The following DIPK2B variants were observed in gnomAD, a reference collection of about 807,000 sequenced individuals.
The protein encoded by DIPK2B is UPF0672 protein CXorf36.
Under a neutral mutation model 22.2 loss-of-function variants are expected in DIPK2B, and 15 were observed. The ratio of observed to expected loss-of-function variants is 0.68; its 90% CI spans 0.45 to 1.04. DIPK2B has a LOEUF of 1.04. DIPK2B is among the 50% of genes least tolerant of loss of function. DIPK2B has a pLI of 0.00. For synonymous variants in DIPK2B, 163 were observed against 153.2 expected (o/e 1.06, Z -0.47); for missense variants, 345 against 348.3 (o/e 0.99, Z 0.08).
chrX:45,191,700 C>G, intron 2 of DIPK2B, 51 bp downstream of exon 2: 2 of 1,150,254 alleles, frequency 1.7e-6, no homozygotes, highest in Admixed American at 4.9e-5. Context: ...ATCTCTCTCT[C>G]TCTTTCTCAT....
chrX:45,162,324 G>A, intron 2 of DIPK2B: 5 of 686,595 alleles, frequency 7.3e-6, no homozygotes, highest in Non-Finnish European at 8.7e-6. Flanking sequence ...AAGCCACTAT[G>A]TGTTGAAATG....
chrX:45,162,631 A>T (rs1360353773), intron 2 of DIPK2B: 1 of 753,076 alleles, frequency 1.3e-6, no homozygotes, highest in African/African-American at 2.3e-5. Context: ...CATTTTGGGG[A>T]TTACCAATTG....
chrX:45,182,742 T>C (rs1020712411), intron 2 of DIPK2B, among the ~76,000 whole-genome samples: 3 of 112,991 alleles, frequency 2.7e-5, no homozygotes, highest in African/African-American at 9.6e-5. Flanking sequence ...CATGGATAAA[T>C]AGCATGATGT....
chrX:45,167,495 C>CA (rs1156692662), intron 2 of DIPK2B, among the ~76,000 whole-genome samples: 3,289 of 24,491 alleles, frequency 0.13, 193 homozygotes, highest in East Asian at 0.31. Context: ...AAGACTGTCT[C>CA]AAAAAAAAAA....
chrX:45,195,631 C>A (rs1172698448), intron 1 of DIPK2B, among the ~76,000 whole-genome samples: 1 of 112,022 alleles, frequency 8.9e-6, no homozygotes, highest in African/African-American at 3.2e-5. Context: ...CTTAATTTAA[C>A]TTAGAGCTTA....
In DIPK2B at chrX:45,150,302, T is replaced by G. The variant is rs956057500; in HGVS notation, c.*1350A>C. The G allele has an allele frequency of 8.9e-6, 1 of 111,934 alleles. No homozygotes were observed. Among genetic ancestry groups the G allele is most frequent in the African/African-American group, 3.3e-5 (1 of 30,736 alleles). 9.2% of individuals were successfully genotyped at this position (111,934 alleles called of 1,213,427 possible). ...GTACAGAAGAGCCCCCTGCTTATGT[T>G]TCAGGGGCCAGGGCAAGAGTGTACA... On this transcript the variant is annotated 3_prime_UTR_variant, in exon 5 of 5. Coordinates refer to ENST00000398000, the MANE Select transcript of DIPK2B (RefSeq NM_176819.4).
chrX:45,174,833 T>C (rs762108953), intron 2 of DIPK2B, among the ~76,000 whole-genome samples: 1 of 111,542 alleles, frequency 9.0e-6, no homozygotes, highest in Non-Finnish European at 1.9e-5. Context: ...GAAGATGCCA[T>C]GTGTATCCCC....
rs1236254276 is a variant in DIPK2B, at chrX:45,151,483, C to A, written c.*169G>T. 5.8e-6 allele frequency: 3 copies of A among 515,238 alleles called. No individual in the cohort carries two copies. The African/African-American group carries it at 7.2e-5, about 12-fold the overall frequency. 42.5% of individuals were successfully genotyped at this position (515,238 alleles called of 1,213,427 possible). On this transcript the variant is annotated 3_prime_UTR_variant, in exon 5 of 5. Coordinates refer to ENST00000398000, the MANE Select transcript of DIPK2B (RefSeq NM_176819.4). ...GGCTTTGCCAGGACGTCCCAGCCAGCAGAGACAGCCACGTGGTATCTCACA... is the reference window on the plus strand; with the variant it reads ...GGCTTTGCCAGGACGTCCCAGCCAGAAGAGACAGCCACGTGGTATCTCACA...
rs200698322 is a variant in DIPK2B at position 45,180,279 on chromosome X, AT to A, written c.498+11471del. On this transcript the variant is annotated intron_variant, in intron 2 of 4. Transcript: ENST00000398000. The stretch of plus-strand genomic sequence containing the variant: ...TTCATAGATCTCATTAATGAAAAGG[AT>A]TCCAGAAAAGGCTCACCCAGCCTTG... Among the ~76,000 whole-genome samples the A allele has an allele frequency of 4.3e-3, 484 of 112,295 alleles. 4 individuals carry two copies. The highest frequency in any genetic ancestry group is 0.015 in the African/African-American group (460 of 30,950).
At chrX:45,167,355 G>A (rs768626870) in intron 2 of DIPK2B, among the ~76,000 whole-genome samples, 281 of 109,526 alleles carry the variant, frequency 2.6e-3, no homozygotes, top group Middle Eastern at 9.6e-3. Context: ...GCTGGGCATC[G>A]TGGTGCCACA....
chrX:45,175,846 T>C (rs983278550), intron 2 of DIPK2B, among the ~76,000 whole-genome samples: 1 of 107,045 alleles, frequency 9.3e-6, no homozygotes, highest in South Asian at 4.3e-4. Context: ...ATCCATTTTT[T>C]GGGAGGGTAG....
intron 2 of DIPK2B, among the ~76,000 whole-genome samples, chrX:45,187,466 GCGCACA>G (rs1374442916): frequency 2.5e-4 from 14 of 57,127 alleles, no homozygotes; most frequent in East Asian, 2.4e-3. Flanking sequence ...GGGCGCGCGC[GCGCACA>G]CACACACACA....
chrX:45,159,217 G>A (rs1369738571), intron 2 of DIPK2B, among the ~76,000 whole-genome samples: 1 of 111,627 alleles, frequency 9.0e-6, no homozygotes, highest in Non-Finnish European at 1.9e-5. Context: ...CTCTGGGAGA[G>A]ATAGGACACT....
At chrX:45,172,011 G>A (rs2047084937) in intron 2 of DIPK2B, among the ~76,000 whole-genome samples, 1 of 111,798 alleles carries the variant, frequency 8.9e-6, no homozygotes, top group Admixed American at 9.5e-5. Flanking sequence ...GTCAGTCCAG[G>A]AACAGTACAT....
intron 2 of DIPK2B, among the ~76,000 whole-genome samples, chrX:45,185,470 C>T (rs890024589): frequency 1.8e-5 from 2 of 110,273 alleles, no homozygotes; most frequent in African/African-American, 3.3e-5. Context: ...ATTCAGGCTT[C>T]GGTTACGTTT....
rs190531327 is a variant in DIPK2B at position 45,167,201 on chromosome X, A to T, written c.499-9313T>A. On this transcript the variant is annotated intron_variant, in intron 2 of 4. Transcript: ENST00000398000. ...TTTTTTGGTTTGTGTCATTAAGAGAAACATCTTGGCTGGGTGCAGTGGCTC... is the reference window on the plus strand; with the variant it reads ...TTTTTTGGTTTGTGTCATTAAGAGATACATCTTGGCTGGGTGCAGTGGCTC... Among the ~76,000 whole-genome samples the T allele has an allele frequency of 3.8e-3, 429 of 112,140 alleles. 2 individuals are homozygous for T. The highest frequency in any genetic ancestry group is 0.013 in the African/African-American group (408 of 30,866).
In DIPK2B at chrX:45,200,750, A is replaced by G; in HGVS notation, c.77T>C (p.Leu26Pro). 8.3e-7 allele frequency: 1 copy of G among 1,211,407 alleles called. No homozygotes were observed. The highest frequency in any genetic ancestry group is 1.1e-6 in the Non-Finnish European group (1 of 895,078). ...WLALLLWVSALSCSFSLPASS... is the reference protein window; with the variant it reads ...WLALLLWVSAPSCSFSLPASS... ...AGCTGGCAAGGAGAAAGAACAGCTC[A>G]GGGCTGAGACCCACAGCAGCAGGGC... Residue 26 changes from leucine to proline, a missense_variant, in exon 1 of 5, where the codon CTG becomes CCG. By Grantham distance (98) the Leu-to-Pro change is moderately conservative (BLOSUM62 -3). Transcript: ENST00000398000.
intron 3 of DIPK2B, among the ~76,000 whole-genome samples, chrX:45,154,706 A>C (rs2046983498): frequency 8.9e-6 from 1 of 112,362 alleles, no homozygotes; most frequent in East Asian, 2.8e-4. Flanking sequence ...AGAGTTGCAT[A>C]GTTGAAACAA....
chrX:45,199,779 T>C (rs2047257637), intron 1 of DIPK2B, among the ~76,000 whole-genome samples: 1 of 111,271 alleles, frequency 9.0e-6, no homozygotes, highest in Non-Finnish European at 1.9e-5. Flanking sequence ...AGGAAGGCAA[T>C]GACCAGAGTT....
Sources: allele counts gnomAD v4.1 joint callset (sites outside exome capture counted in the v4.1 genomes callset), GRCh38; gene constraint gnomAD v4.1.1; transcripts MANE v1.5; gene names NCBI Gene and HGNC (gene_info 2026-07-23, HGNC 2026-07-21).